Variants in WDR1 observed in about 807,000 individuals in gnomAD.
WDR1 encodes WD repeat domain 1.
WDR1 carries 21 observed loss-of-function variants against 71.9 expected under a neutral mutation model. The ratio of observed to expected loss-of-function variants is 0.29; its 90% CI spans 0.21 to 0.42. The LOEUF (loss-of-function observed/expected upper bound fraction) is 0.42. WDR1 is among the 10% of genes least tolerant of loss of function. The probability of loss-of-function intolerance (pLI) is 1.00; values close to 1 mark genes in which losing one functional copy is unlikely to be tolerated. For missense variants in WDR1, 696 were observed against 824.5 expected (o/e 0.84, Z 1.91); for synonymous variants, 424 against 347.4 (o/e 1.22, Z -2.45).
At chr4:10,116,268 G>C in intron 1 of WDR1, 34 bp from the exon 2 acceptor site, 1 of 1,612,474 alleles carries the variant, frequency 6.2e-7, no homozygotes, top group South Asian at 1.1e-5. Flanking sequence ...GGCATGTCAG[G>C]GCAGGGCGGG....
At chr4:10,113,673 G>A (rs764597357) in intron 2 of WDR1, among the ~76,000 whole-genome samples, 2 of 152,364 alleles carry the variant, frequency 1.3e-5, no homozygotes, top group African/African-American at 4.8e-5. Context: ...TAAGTCAGGT[G>A]GGGGAAGATA....
Position 10,084,501 on chromosome 4 carries a change from C to A in WDR1, c.981G>T (p.Thr327=), listed in dbSNP as rs374675375. ...AGGACTTGCCGCCGTTTTTATGCAC[C>A]GTCAGACACTGGATCGATTTACTGT... ...KGHSKSIQCL[T]VHKNGGKSYI... Residue 327 remains threonine (T), a synonymous_variant, in exon 9 of 15, where the codon ACG becomes ACT. Transcript: ENST00000499869. The A allele has an allele frequency of 6.2e-7, 1 of 1,613,896 alleles. No homozygotes were observed. Among genetic ancestry groups the A allele is most frequent in the South Asian group, 1.1e-5 (1 of 91,080 alleles).
chr4:10,079,617 G>T (rs531321507), intron 11 of WDR1, among the ~76,000 whole-genome samples: 2 of 152,256 alleles, frequency 1.3e-5, no homozygotes, highest in South Asian at 4.1e-4. Flanking sequence ...CAATTCTTCC[G>T]GTTCTAACTT....
intron 5 of WDR1, chr4:10,093,159 T>G (rs3822245): frequency 2.3e-6 from 3 of 1,288,934 alleles, no homozygotes; most frequent in Non-Finnish European, 3.0e-6. Context: ...AGCACACACA[T>G]GCTCACTACC....
chr4:10,083,561 G>A (rs1230835730), intron 9 of WDR1: 4 of 474,336 alleles, frequency 8.4e-6, no homozygotes, highest in Admixed American at 4.5e-5. Context: ...AGCCTGGGGG[G>A]ACCTCCTTGG....
intron 5 of WDR1, among the ~76,000 whole-genome samples, chr4:10,090,940 C>T (rs551590342): frequency 6.6e-6 from 1 of 152,360 alleles, no homozygotes; most frequent in African/African-American, 2.4e-5. Context: ...GTTGTGGTCA[C>T]CGCCCAAGAG....
intron 3 of WDR1, among the ~76,000 whole-genome samples, chr4:10,101,079 C>T (rs560718876): frequency 2.3e-4 from 35 of 152,372 alleles, no homozygotes; most frequent in South Asian, 6.2e-4. Context: ...ACATGGCCCT[C>T]GCCAACTCCC....
At position 10,074,953 on chromosome 4, in the gene WDR1, CT is replaced by C. The variant is rs1764741243; in HGVS notation, c.*424del. Reference sequence around the variant, plus strand: ...TGCTGAACTGCAATGCATATTCCCTCTTCTCACTAGTACAGAAATGTTCTGC... The same window carrying C: ...TGCTGAACTGCAATGCATATTCCCTCTCTCACTAGTACAGAAATGTTCTGC... On this transcript the variant is annotated 3_prime_UTR_variant, in exon 15 of 15. Transcript: ENST00000499869. 9.5e-6 allele frequency: 2 copies of C among 209,466 alleles called. No homozygotes were observed. The highest frequency in any genetic ancestry group is 2.9e-4 in the South Asian group (2 of 6,972). 13.0% of individuals were successfully genotyped at this position (209,466 alleles called of 1,614,324 possible).
Position 10,116,142 on chromosome 4 carries a change from C to T in WDR1, c.109G>A (p.Gly37Arg). ...PKGNNFLYTN[G>R]KCVILRNIDN... is the part of the protein sequence containing the mutation. The stretch of plus-strand genomic sequence containing the variant: ...ATGTTCCTTAGGATGACGCACTTTC[C>T]ATTGGTGTACAGAAAATTGTTGCCC... Residue 37 changes from glycine to arginine, a missense_variant, in exon 2 of 15, where the codon GGA becomes AGA. Gly to Arg is a moderately radical substitution (Grantham distance 125). Transcript: ENST00000499869. 1 of 1,613,748 alleles carries T rather than the reference C, an allele frequency of 6.2e-7. No homozygotes were observed. Among genetic ancestry groups the T allele is most frequent in the Non-Finnish European group, 8.5e-7 (1 of 1,179,782 alleles).
At position 10,107,609 on chromosome 4, in the gene WDR1, C is replaced by T. The variant is rs1472721161; in HGVS notation, c.139-3623G>A. Among the ~76,000 whole-genome samples the T allele has an allele frequency of 3.9e-5, 6 of 152,222 alleles. No individual in the cohort carries two copies. In the South Asian group the frequency reaches 1.0e-3, roughly 26 times the overall value. On this transcript the variant is annotated intron_variant, in intron 2 of 14. Transcript: ENST00000499869. ...GGATAGAACAGGTGCAGCCCCTCTA[C>T]CTTGCTGGCCCCAGACCCCTTCCCC...
At chr4:10,078,604 A>G (rs1266307586) in intron 12 of WDR1, 3 of 286,920 alleles carry the variant, frequency 1.0e-5, no homozygotes, top group African/African-American at 6.6e-5. Context: ...TCTGAGGCAC[A>G]GCTGTGCCCT....
intron 2 of WDR1, among the ~76,000 whole-genome samples, chr4:10,109,281 ATAAC>A (rs1713207146): frequency 1.3e-5 from 2 of 152,272 alleles, no homozygotes; most frequent in Non-Finnish European, 2.9e-5. Flanking sequence ...TTATGAGCAT[ATAAC>A]TAACAGCACG....
chr4:10,104,115 C>G (rs3756224), intron 2 of WDR1, 129 bp from the exon 3 acceptor site: 4 of 972,670 alleles, frequency 4.1e-6, no homozygotes, highest in Non-Finnish European at 6.3e-6. Flanking sequence ...GTGAAGAAAA[C>G]CGCAGAAGCA....
At chr4:10,098,624 C>T (rs1023357613) in intron 4 of WDR1, among the ~76,000 whole-genome samples, 1 of 152,220 alleles carries the variant, frequency 6.6e-6, no homozygotes, top group African/African-American at 2.4e-5. Context: ...AACAGTTCAG[C>T]CTCCCTGGCA....
intron 11 of WDR1, among the ~76,000 whole-genome samples, chr4:10,081,018 G>A (rs1005415976): frequency 1.3e-5 from 2 of 152,198 alleles, no homozygotes; most frequent in Non-Finnish European, 2.9e-5. Flanking sequence ...GATGTGAACA[G>A]GAGCAAAGGC....
At position 10,075,714 on chromosome 4, in the gene WDR1, T is replaced by A. The variant is rs1201663009; in HGVS notation, c.1715-230A>T. 2.1e-5 allele frequency: 12 copies of A among 579,276 alleles called. No individual in the cohort carries two copies. The Admixed American group carries it at 3.6e-4, about 17-fold the overall frequency. 35.9% of individuals were successfully genotyped at this position (579,276 alleles called of 1,614,324 possible). On this transcript the variant is annotated intron_variant, in intron 14 of 14. Coordinates refer to ENST00000499869, the MANE Select transcript of WDR1 (RefSeq NM_017491.5). ...CTCTTTTTTGTGTGCTGCAGGGTAA[T>A]TAGCAGCATCCCTGGCTCCACCTAC...
chr4:10,103,001 C>T (rs1321983280), intron 3 of WDR1, among the ~76,000 whole-genome samples: 2 of 152,178 alleles, frequency 1.3e-5, no homozygotes, highest in Non-Finnish European at 2.9e-5. Context: ...CACTCTCACT[C>T]CTGTACCTCT....
rs1426128719 is a variant in WDR1 at position 10,077,788 on chromosome 4, C to T, written c.1534G>A (p.Val512Met). The change falls in exon 13 of 15, where the codon GTG becomes ATG. Residue 512 changes from valine (V) to methionine (M), a missense_variant. By Grantham distance (21) the Val-to-Met change is conservative. Transcript: ENST00000499869. ...TCAGCAACGCTGAACACTGTGACCA[C>T]CTTGCTGGCGTCGCACACCGCGAGG... ...AFLAVCDASKVVTVFSVADGY... is the reference protein window; with the variant it reads ...AFLAVCDASKMVTVFSVADGY... The T allele has an allele frequency of 6.2e-7, 1 of 1,602,358 alleles. No homozygotes were observed. Among genetic ancestry groups the T allele is most frequent in the Non-Finnish European group, 8.5e-7 (1 of 1,174,678 alleles).
At chr4:10,088,479 G>A (rs1213590790) in intron 6 of WDR1, 106 bp from the exon 7 acceptor site, 5 of 1,252,888 alleles carry the variant, frequency 4.0e-6, no homozygotes, top group Non-Finnish European at 5.7e-6. Flanking sequence ...CACAGACTAA[G>A]CTCCCAGTGT....
Sources: gnomAD v4.1 joint callset for allele counts (sites outside exome capture counted in the v4.1 genomes callset) on GRCh38, gnomAD v4.1.1 for gene constraint, MANE v1.5 for transcripts, NCBI Gene and HGNC (gene_info 2026-07-23, HGNC 2026-07-21) for gene names.